Variants in ZDHHC11B observed in about 807,000 individuals in gnomAD.
ZDHHC11B encodes the protein zDHHC palmitoyltransferase 11B (putative), also known as probable palmitoyltransferase ZDHHC11B.
ZDHHC11B carries 17 observed loss-of-function variants against 42.3 expected under a neutral mutation model. The ratio of observed to expected loss-of-function variants is 0.40; its 90% confidence interval spans 0.27 to 0.60. The LOEUF is 0.60. Ranked by LOEUF, ZDHHC11B falls within the 20% of genes least tolerant of loss-of-function variation. ZDHHC11B has a pLI of 0.41. For missense variants in ZDHHC11B, 262 were observed against 463.2 expected (o/e 0.57, Z 3.99); for synonymous variants, 123 against 193.5 (o/e 0.64, Z 3.02).
chr5:723,230 G>T (rs549403224), intron 12 of ZDHHC11B, among the ~76,000 whole-genome samples: 1 of 146,464 alleles, frequency 6.8e-6, no homozygotes, highest in African/African-American at 2.6e-5. Flanking sequence ...ATTGGGATTC[G>T]TGTGACTCTG....
intron 8 of ZDHHC11B, among the ~76,000 whole-genome samples, chr5:746,128 G>A: frequency 6.7e-6 from 1 of 148,654 alleles, no homozygotes; most frequent in South Asian, 2.3e-4. Flanking sequence ...AATGGGCTCT[G>A]CACCTATTTC....
chr5:775,588 G>A (rs1207179649), intron 1 of ZDHHC11B, among the ~76,000 whole-genome samples: 9 of 151,826 alleles, frequency 5.9e-5, no homozygotes, highest in African/African-American at 2.2e-4. Context: ...CTTCTGCCTG[G>A]CAGGAGCCGA....
chr5:719,986 A>T (rs1469457999), intron 12 of ZDHHC11B, among the ~76,000 whole-genome samples: 4 of 151,788 alleles, frequency 2.6e-5, no homozygotes, highest in African/African-American at 9.7e-5. Flanking sequence ...CTGCCCATTA[A>T]TGTACAGGAA....
intron 12 of ZDHHC11B, among the ~76,000 whole-genome samples, chr5:728,362 T>TA (rs1355824436): frequency 2.0e-5 from 3 of 151,936 alleles, no homozygotes; most frequent in Admixed American, 6.6e-5. Context: ...CTTTGACTTT[T>TA]AAGTGTTCTA....
chr5:730,832 A>C (rs1198655087), intron 11 of ZDHHC11B, among the ~76,000 whole-genome samples: 1 of 151,624 alleles, frequency 6.6e-6, no homozygotes, highest in African/African-American at 2.4e-5. Flanking sequence ...GATTATAACA[A>C]AGACACAGAC....
chr5:783,705 A>AAACCCCATCAAAACAGCAGCCCCC (rs1737029563), intron 1 of ZDHHC11B, among the ~76,000 whole-genome samples: 1 of 111,260 alleles, frequency 9.0e-6, no homozygotes, highest in African/African-American at 3.7e-5. Flanking sequence ...AGCAGCGCCC[A>AAACCCCATCAAAACAGCAGCCCCC]AACCCCCATC....
rs115430288 is a variant in ZDHHC11B, at chr5:751,738, C to T, written c.504-481G>A. Among the ~76,000 whole-genome samples, 183 of 127,362 alleles carry T rather than the reference C, an allele frequency of 1.4e-3. 16 individuals carry two copies. Among genetic ancestry groups the T allele is most frequent in the Non-Finnish European group, 2.6e-3 (151 of 57,116 alleles). The allele number at this position is 127,362 out of a possible 152,430, so 83.6% of individuals were successfully genotyped here. On this transcript the variant is annotated intron_variant, in intron 6 of 13. Transcript: ENST00000508859. ...GCTCAGGCTCCTGTCTCTGTGCCAT[C>T]CTGTGACGCCCCCCCAGGTCTCCAG...
At chr5:765,689 C>T (rs1305500766) in intron 4 of ZDHHC11B, among the ~76,000 whole-genome samples, 1 of 151,912 alleles carries the variant, frequency 6.6e-6, no homozygotes, top group Non-Finnish European at 1.5e-5. Flanking sequence ...CTCCGCACTG[C>T]CTTTATGAGC....
At chr5:765,619 A>G (rs12515020) in intron 4 of ZDHHC11B, among the ~76,000 whole-genome samples, 28 of 151,830 alleles carry the variant, frequency 1.8e-4, no homozygotes, top group Middle Eastern at 3.4e-3. Flanking sequence ...TCTCTTCCAC[A>G]TTGTGGAAGT....
chr5:772,955 CAG>C (rs1736177169), intron 1 of ZDHHC11B, among the ~76,000 whole-genome samples: 1 of 151,840 alleles, frequency 6.6e-6, no homozygotes, highest in Non-Finnish European at 1.5e-5. Flanking sequence ...CTAAAAATGA[CAG>C]AATGAATTAG....
Position 736,341 on chromosome 5 carries a change from G to T in ZDHHC11B, c.936-2502C>A, listed in dbSNP as rs139404281. On this transcript the variant is annotated intron_variant, in intron 10 of 13. Coordinates refer to ENST00000508859, the MANE Select transcript of ZDHHC11B (RefSeq NM_001351303.2). ...ATAAAACAATTCTTACAGGACATAA[G>T]AAATGAGACTGATGAAAACACAATT... 9.0e-3 allele frequency among the ~76,000 whole-genome samples: 1,349 copies of T among 149,706 alleles called. 94 individuals carry two copies. The highest frequency in any genetic ancestry group is 0.032 in the African/African-American group (1,285 of 40,466).
chr5:760,735 G>A (rs1734495651), intron 4 of ZDHHC11B, among the ~76,000 whole-genome samples: 1 of 151,822 alleles, frequency 6.6e-6, no homozygotes, highest in South Asian at 2.1e-4. Context: ...CTGTGATTCA[G>A]ATGAGGATTG....
At chr5:724,917 T>C (rs145436626) in intron 12 of ZDHHC11B, among the ~76,000 whole-genome samples, 59,313 of 140,444 alleles carry the variant, frequency 0.42, 8,263 homozygotes, top group Middle Eastern at 0.47. Flanking sequence ...TTCAGACTGG[T>C]TGCAGACATC....
At chr5:759,185 G>A (rs1178937848) in intron 4 of ZDHHC11B, among the ~76,000 whole-genome samples, 1 of 151,908 alleles carries the variant, frequency 6.6e-6, no homozygotes, top group African/African-American at 2.4e-5. Flanking sequence ...CCGTAGCTAT[G>A]CTGGAACCTC....
chr5:734,137 G>A (rs1044541504), intron 10 of ZDHHC11B, among the ~76,000 whole-genome samples: 4 of 141,654 alleles, frequency 2.8e-5, no homozygotes, highest in Non-Finnish European at 6.1e-5. Context: ...GACGGGTTCT[G>A]AAGAGTGATG....
At chr5:745,561 C>G (rs1357109548) in intron 8 of ZDHHC11B, among the ~76,000 whole-genome samples, 8 of 149,968 alleles carry the variant, frequency 5.3e-5, no homozygotes, top group African/African-American at 2.0e-4. Context: ...CCCCGCCTGC[C>G]AAGGCCTCAT....
chr5:760,066 G>A (rs1224687363), intron 4 of ZDHHC11B, among the ~76,000 whole-genome samples: 1 of 151,838 alleles, frequency 6.6e-6, no homozygotes, highest in African/African-American at 2.4e-5. Context: ...GGTGTGGAGT[G>A]GGGGGTACAG....
chr5:716,425 G>A (rs1410154732), intron 13 of ZDHHC11B, among the ~76,000 whole-genome samples: 1 of 151,814 alleles, frequency 6.6e-6, no homozygotes, highest in African/African-American at 2.4e-5. Flanking sequence ...GGTAGGATCA[G>A]AGGCATCTAA....
rs1734217142 is a variant in ZDHHC11B, at chr5:758,980, G to A, written c.223-2836C>T. Among the ~76,000 whole-genome samples, 3 of 151,976 alleles carry A rather than the reference G, an allele frequency of 2.0e-5. No homozygotes were observed. In the East Asian group the frequency reaches 5.8e-4, roughly 29 times the overall value. ...GGGTAACCCTTCCTGAGCTGGCGGG[G>A]AGCCCCGGGATAGAGATGACACGGA... is the stretch of plus-strand genomic sequence containing the variant. On this transcript the variant is annotated intron_variant, in intron 4 of 13. Coordinates refer to ENST00000508859, the MANE Select transcript of ZDHHC11B (RefSeq NM_001351303.2).
Sources: allele counts gnomAD v4.1 joint callset (sites outside exome capture counted in the v4.1 genomes callset), GRCh38; gene constraint gnomAD v4.1.1; transcripts MANE v1.5; gene names NCBI Gene and HGNC (gene_info 2026-07-23, HGNC 2026-07-21).